MAP4: variants seen among roughly 807,000 people sequenced by gnomAD.
MAP4 encodes the protein microtubule-associated protein 4.
In MAP4, 76 loss-of-function variants were observed where a neutral mutation model predicts 170.2. The observed-to-expected ratio is 0.45, with a 90% CI of 0.37 to 0.54. The LOEUF is 0.54. Among genes scored for constraint, MAP4 ranks in the 20% least tolerant of loss-of-function variants. The pLI is 0.00. For synonymous variants in MAP4, 909 were observed against 994.5 expected (o/e 0.91, Z 1.62); for missense variants, 2,506 against 2,748.0 (o/e 0.91, Z 1.97).
In MAP4 at chr3:47,909,024, T is replaced by C. The variant is rs754999778; in HGVS notation, c.5383+14A>G. 2.0e-5 allele frequency: 32 copies of C among 1,603,910 alleles called. No individual in the cohort carries two copies. Among genetic ancestry groups the C allele is most frequent in the African/African-American group, 6.7e-5 (5 of 74,354 alleles). ...AGCCACAAGCACACACATTTCCCCA[T>C]GGCAGGTTCATACCAGCGGACTTCA... On this transcript the variant is annotated intron_variant, in intron 9 of 20. Transcript: ENST00000683076.
chr3:47,977,833 T>G (rs767562948), intron 3 of MAP4, 32 bp downstream of exon 3: 1 of 1,484,548 alleles, frequency 6.7e-7, no homozygotes, highest in South Asian at 1.1e-5. Flanking sequence ...GTGCATCACC[T>G]ACACATTTGG....
chr3:47,872,052 G>C lies in MAP4; in HGVS notation c.5806C>G (p.Pro1936Ala), dbSNP rs751244235. The change falls in exon 13 of 21, where the codon CCA becomes GCA. Residue 1936 changes from proline (P) to alanine (A), a missense_variant. Coordinates refer to ENST00000683076, the MANE Select transcript of MAP4 (RefSeq NM_001385682.1). ...APEKRASPSK[P>A]ASAPASRSGS... ...GATCTGGAGGCTGGGGCAGAAGCTG[G>C]CTTGGATGGTGAGGCCCGCTTCTCA... is the stretch of plus-strand genomic sequence containing the variant. 1 of 1,613,404 alleles carries C rather than the reference G, an allele frequency of 6.2e-7. No individual in the cohort carries two copies. The highest frequency in any genetic ancestry group is 1.1e-5 in the South Asian group (1 of 91,074).
At chr3:47,935,905 C>G (rs960391528) in intron 3 of MAP4, among the ~76,000 whole-genome samples, 4 of 145,618 alleles carry the variant, frequency 2.7e-5, no homozygotes, top group African/African-American at 1.0e-4. Context: ...CACAACTGCA[C>G]TCCAGCTGCA....
At chr3:47,879,762 T>C (rs2096337076) in intron 10 of MAP4, among the ~76,000 whole-genome samples, 1 of 152,158 alleles carries the variant, frequency 6.6e-6, no homozygotes, top group South Asian at 2.1e-4. Flanking sequence ...TAGGGCTTCT[T>C]CATGTTACCC....
At chr3:48,032,851 C>T (rs1419425138) in intron 1 of MAP4, among the ~76,000 whole-genome samples, 1 of 152,124 alleles carries the variant, frequency 6.6e-6, no homozygotes, top group South Asian at 2.1e-4. Flanking sequence ...AGCTGACTCT[C>T]GTTAAAGCTT....
At chr3:48,069,966 T>C (rs1017340828) in intron 1 of MAP4, among the ~76,000 whole-genome samples, 1 of 151,966 alleles carries the variant, frequency 6.6e-6, no homozygotes, top group Admixed American at 6.6e-5. Flanking sequence ...AAACTAGCAA[T>C]ATTAGTGAAA....
At chr3:47,882,151 C>T (rs1366290526) in intron 10 of MAP4, among the ~76,000 whole-genome samples, 4 of 151,972 alleles carry the variant, frequency 2.6e-5, no homozygotes, top group South Asian at 2.1e-4. Flanking sequence ...TTGTGGTGGG[C>T]GCCTGTAATC....
At chr3:48,046,527 A>G (rs1319071738) in intron 1 of MAP4, among the ~76,000 whole-genome samples, 2 of 152,202 alleles carry the variant, frequency 1.3e-5, no homozygotes, top group Non-Finnish European at 2.9e-5. Flanking sequence ...TAATCTAGCC[A>G]CAGTGTGTAT....
chr3:47,888,630 C>T (rs2098064694), intron 10 of MAP4, among the ~76,000 whole-genome samples: 1 of 152,154 alleles, frequency 6.6e-6, no homozygotes, highest in African/African-American at 2.4e-5. Flanking sequence ...TAACACTCAC[C>T]GCGAGGGTCC....
chr3:47,955,451 C>CGT, intron 3 of MAP4, among the ~76,000 whole-genome samples: 1 of 148,726 alleles, frequency 6.7e-6, no homozygotes, highest in African/African-American at 2.6e-5. Flanking sequence ...CACACACACA[C>CGT]ACACACACAC....
intron 3 of MAP4, among the ~76,000 whole-genome samples, chr3:47,936,625 A>G (rs1009436096): frequency 6.6e-6 from 1 of 152,128 alleles, no homozygotes; most frequent in Non-Finnish European, 1.5e-5. Context: ...GCTTCTTCAC[A>G]GGACAGAAAA....
chr3:48,053,184 G>GCATC (rs2154550301), intron 1 of MAP4, among the ~76,000 whole-genome samples: 1 of 152,278 alleles, frequency 6.6e-6, no homozygotes, highest in East Asian at 1.9e-4. Context: ...TAGACCTGAT[G>GCATC]CATCAATCTG....
intron 3 of MAP4, among the ~76,000 whole-genome samples, chr3:47,971,614 GCCCCAAACACTATAAATAAGAGTAATTTA>G (rs1257563419): frequency 6.6e-6 from 1 of 152,140 alleles, no homozygotes; most frequent in African/African-American, 2.4e-5. Flanking sequence ...AATGTGTCTA[GCCCCAAACACTATAAATAAGAGTAATTTA>G]CCTCCATGGT....
intron 1 of MAP4, among the ~76,000 whole-genome samples, chr3:48,002,991 A>AAATAAATAAATTAATT (rs1393173347): frequency 4.2e-4 from 63 of 150,654 alleles, no homozygotes; most frequent in African/African-American, 1.4e-3. Context: ...ATAAATAAAT[A>AAATAAATAAATTAATT]AATTTAATTC....
At chr3:47,901,335 T>G (rs1448334685) in intron 10 of MAP4, among the ~76,000 whole-genome samples, 2 of 152,206 alleles carry the variant, frequency 1.3e-5, no homozygotes, top group Admixed American at 6.5e-5. Context: ...TAATGTCACT[T>G]GGTATCTACT....
intron 1 of MAP4, among the ~76,000 whole-genome samples, chr3:48,080,747 G>A (rs1235948942): frequency 2.0e-5 from 3 of 152,136 alleles, no homozygotes; most frequent in Non-Finnish European, 2.9e-5. Context: ...TTGGGAGGCT[G>A]AGGCAGGCGG....
chr3:47,879,326 T>C (rs1268059797), intron 10 of MAP4, among the ~76,000 whole-genome samples: 4 of 152,152 alleles, frequency 2.6e-5, no homozygotes, highest in African/African-American at 7.2e-5. Flanking sequence ...AATACACTTA[T>C]ATATGCATTT....
At chr3:48,075,423 G>A (rs764497911) in intron 1 of MAP4, among the ~76,000 whole-genome samples, 42 of 152,052 alleles carry the variant, frequency 2.8e-4, no homozygotes, top group East Asian at 7.8e-4. Context: ...TACTCAAGAC[G>A]CAGAGGCAGG....
chr3:47,874,514 G>A (rs58467880), intron 12 of MAP4, among the ~76,000 whole-genome samples: 1 of 152,146 alleles, frequency 6.6e-6, no homozygotes, highest in Middle Eastern at 3.4e-3. Flanking sequence ...ACAGCAACTA[G>A]TACACTACAC....
Sources: allele counts gnomAD v4.1 joint callset (sites outside exome capture counted in the v4.1 genomes callset), GRCh38; gene constraint gnomAD v4.1.1; transcripts MANE v1.5; gene names NCBI Gene and HGNC (gene_info 2026-07-23, HGNC 2026-07-21).